KCNMA1: variants seen among roughly 807,000 people sequenced by gnomAD.
KCNMA1 encodes the protein potassium calcium-activated channel subfamily M alpha 1, also known as Calcium-activated potassium channel subunit alpha-1.
In KCNMA1, 29 loss-of-function variants were observed where a neutral mutation model predicts 140.0. The ratio of observed to expected loss-of-function variants is 0.21; its 90% confidence interval spans 0.15 to 0.28. The LOEUF is 0.28. KCNMA1 is among the 10% of genes least tolerant of loss of function. The probability of loss-of-function intolerance (pLI) is 1.00; values close to 1 mark genes in which losing one functional copy is unlikely to be tolerated. For missense variants in KCNMA1, 880 were observed against 1,602.2 expected (o/e 0.55, Z 7.70); for synonymous variants, 612 against 611.9 (o/e 1.00, Z 0.00).
At chr10:77,414,721 C>A (rs957384424) in intron 1 of KCNMA1, among the ~76,000 whole-genome samples, 8 of 151,960 alleles carry the variant, frequency 5.3e-5, no homozygotes, top group African/African-American at 1.9e-4. Context: ...AACTCCTGAC[C>A]TCAAGTGATC....
chr10:76,989,226 CT>C (rs1343245595), intron 19 of KCNMA1, among the ~76,000 whole-genome samples: 2 of 152,132 alleles, frequency 1.3e-5, no homozygotes, highest in African/African-American at 4.8e-5. Flanking sequence ...AGAAAACAAG[CT>C]GACAATAAAG....
intron 1 of KCNMA1, among the ~76,000 whole-genome samples, chr10:77,581,706 T>G (rs749770981): frequency 6.6e-6 from 1 of 152,198 alleles, no homozygotes; most frequent in Non-Finnish European, 1.5e-5. Context: ...TCAGCCTCCT[T>G]GAGAAGCACC....
At chr10:77,405,164 G>C (rs2096431268) in intron 1 of KCNMA1, among the ~76,000 whole-genome samples, 1 of 152,178 alleles carries the variant, frequency 6.6e-6, no homozygotes, top group African/African-American at 2.4e-5. Context: ...TTCTCCCACA[G>C]AGACTTATGG....
intron 14 of KCNMA1, among the ~76,000 whole-genome samples, chr10:77,057,996 C>T (rs1369982703): frequency 1.3e-5 from 2 of 151,456 alleles, no homozygotes; most frequent in Non-Finnish European, 1.5e-5. Context: ...AAAAATCACC[C>T]GACTATAAAC....
In KCNMA1 at chr10:77,156,227, TAAAAAAAAAAAAAA is replaced by T. The variant is rs58950492; in HGVS notation, c.808+27180_808+27193del. ...TGGGTGACAGAGCGAGACTCCATCT[TAAAAAAAAAAAAAA>T]AAAAAAAAAAAAAAGTTAAATGAAA... is the stretch of plus-strand genomic sequence containing the variant. On this transcript the variant is annotated intron_variant, in intron 5 of 27. Transcript: ENST00000286628. Among the ~76,000 whole-genome samples the T allele has an allele frequency of 3.1e-4, 37 of 120,588 alleles. 1 individual carries two copies. The highest frequency in any genetic ancestry group is 1.1e-3 in the African/African-American group (33 of 30,664). The allele number at this position is 120,588 out of a possible 152,430, so 79.1% of individuals were successfully genotyped here. A position where few individuals can be genotyped will look rare whatever the true frequency, so the allele number is the denominator to read the frequency against.
chr10:77,179,481 C>T (rs1278381727), intron 5 of KCNMA1, among the ~76,000 whole-genome samples: 1 of 152,010 alleles, frequency 6.6e-6, no homozygotes, highest in Non-Finnish European at 1.5e-5. Flanking sequence ...GAAAGAGGAG[C>T]CAGGAGAACA....
intron 15 of KCNMA1, among the ~76,000 whole-genome samples, chr10:77,028,497 C>T (rs530400434): frequency 2.0e-4 from 31 of 152,184 alleles, no homozygotes; most frequent in Non-Finnish European, 4.1e-4. Flanking sequence ...CCATCCCTTC[C>T]CTTGTGCGTT....
chr10:77,238,915 G>T (rs1404720651), intron 3 of KCNMA1, among the ~76,000 whole-genome samples: 2 of 152,240 alleles, frequency 1.3e-5, no homozygotes, highest in East Asian at 1.9e-4. Flanking sequence ...AGTCTACATG[G>T]TAATATACAT....
intron 23 of KCNMA1, among the ~76,000 whole-genome samples, chr10:76,938,881 GAATT>G (rs1172266508): frequency 1.3e-5 from 2 of 151,936 alleles, no homozygotes; most frequent in Admixed American, 6.6e-5. Context: ...TTCAAGCATG[GAATT>G]AATTACTCTT....
chr10:76,905,730 G>A (rs1564822237), intron 25 of KCNMA1, among the ~76,000 whole-genome samples: 1 of 152,114 alleles, frequency 6.6e-6, no homozygotes, highest in East Asian at 1.9e-4. Flanking sequence ...GCTATTTCAT[G>A]TTCTTCAAAT....
intron 23 of KCNMA1, among the ~76,000 whole-genome samples, chr10:76,923,114 A>G (rs750460268): frequency 6.6e-6 from 1 of 152,188 alleles, no homozygotes; most frequent in Non-Finnish European, 1.5e-5. Flanking sequence ...TAGAGTTTAC[A>G]TTTTGGGTCC....
intron 1 of KCNMA1, among the ~76,000 whole-genome samples, chr10:77,591,567 G>A (rs1340093527): frequency 6.6e-6 from 1 of 152,166 alleles, no homozygotes; most frequent in African/African-American, 2.4e-5. Flanking sequence ...TCTGAGGGTG[G>A]GACCCAGCAA....
chr10:77,116,946 C>A (rs1419511392), intron 6 of KCNMA1, among the ~76,000 whole-genome samples: 1 of 152,182 alleles, frequency 6.6e-6, no homozygotes, highest in Non-Finnish European at 1.5e-5. Context: ...TAAGAACCTG[C>A]ATGATTTGGC....
chr10:77,098,287 T>C (rs982910664), intron 9 of KCNMA1, among the ~76,000 whole-genome samples: 1 of 152,188 alleles, frequency 6.6e-6, no homozygotes, highest in Non-Finnish European at 1.5e-5. Context: ...CATTTTAATT[T>C]GGGGAATTGC....
At chr10:76,982,337 AAAAAAAG>A (rs901805516) in intron 19 of KCNMA1, among the ~76,000 whole-genome samples, 12 of 151,972 alleles carry the variant, frequency 7.9e-5, no homozygotes, top group Non-Finnish European at 1.3e-4. Context: ...GGAAAAAAAA[AAAAAAAG>A]AAAGGAAGAA....
chr10:77,396,746 G>A (rs531874250), intron 2 of KCNMA1, among the ~76,000 whole-genome samples: 3 of 152,222 alleles, frequency 2.0e-5, no homozygotes, highest in South Asian at 2.1e-4. Context: ...TTCTTACATC[G>A]ATAAATCATC....
intron 1 of KCNMA1, among the ~76,000 whole-genome samples, chr10:77,626,705 C>G (rs925767730): frequency 2.6e-5 from 4 of 152,150 alleles, no homozygotes; most frequent in Non-Finnish European, 5.9e-5. Flanking sequence ...TCCCACAAAC[C>G]CTTCCAACGC....
intron 14 of KCNMA1, among the ~76,000 whole-genome samples, chr10:77,057,029 T>G (rs1241394365): frequency 6.6e-6 from 1 of 152,084 alleles, no homozygotes; most frequent in Non-Finnish European, 1.5e-5. Context: ...AAACAATAAG[T>G]GAAAACTTCT....
At chr10:77,157,432 A>G (rs907833213) in intron 5 of KCNMA1, among the ~76,000 whole-genome samples, 2 of 148,630 alleles carry the variant, frequency 1.3e-5, no homozygotes, top group Non-Finnish European at 3.0e-5. Flanking sequence ...TCTTTATCCA[A>G]TGTGATCAAA....
Sources: allele counts gnomAD v4.1 joint callset (sites outside exome capture counted in the v4.1 genomes callset), GRCh38; gene constraint gnomAD v4.1.1; transcripts MANE v1.5; gene names NCBI Gene and HGNC (gene_info 2026-07-23, HGNC 2026-07-21).